XIRP2: variants seen among roughly 807,000 people sequenced by gnomAD.
XIRP2 encodes xin actin-binding repeat-containing protein 2.
XIRP2 carries 236 observed loss-of-function variants against 277.0 expected under a neutral mutation model. The ratio of observed to expected loss-of-function variants is 0.85; its 90% CI spans 0.77 to 0.95. The LOEUF (loss-of-function observed/expected upper bound fraction) is 0.95, where lower values mean the gene tolerates loss of function less well. XIRP2 is among the 40% of genes least tolerant of loss of function. The pLI, the probability that XIRP2 is intolerant of heterozygous loss-of-function variation, is 0.00. For synonymous variants in XIRP2, 1,490 were observed against 1,416.5 expected, an observed-to-expected ratio of 1.05 and a Z score of -1.17; for missense variants, 4,640 against 4,157.5, an observed-to-expected ratio of 1.12 and a Z score of -3.19.
intron 2 of XIRP2, among the ~76,000 whole-genome samples, chr2:167,134,734 CA>C (rs1691491838): frequency 6.6e-6 from 1 of 152,084 alleles, no homozygotes; most frequent in African/African-American, 2.4e-5. Context: ...AAGAGATTCA[CA>C]ACAATAACTC....
rs549249294 is a variant in XIRP2 at position 166,909,800 on chromosome 2, T to C, written c.408+5910T>C. The stretch of plus-strand genomic sequence containing the variant: ...TTTTGAGATACATCCCATCAATACC[T>C]AGTTTATTGATTTAGCATGAAGTGC... On this transcript the variant is annotated intron_variant, in intron 2 of 10. Transcript: ENST00000409195. 8.5e-4 allele frequency among the ~76,000 whole-genome samples: 129 copies of C among 152,320 alleles called. 1 individual carries two copies. The highest frequency in any genetic ancestry group is 2.7e-3 in the African/African-American group (114 of 41,570).
Position 167,247,749 on chromosome 2 carries a change from A to G in XIRP2, c.6357A>G (p.Lys2119=). 1 of 1,613,584 alleles carries G rather than the reference A, an allele frequency of 6.2e-7. No individual in the cohort carries two copies. The highest frequency in any genetic ancestry group is 8.5e-7 in the Non-Finnish European group (1 of 1,179,706). The change falls in exon 9 of 11, where the codon AAA becomes AAG. Residue 2119 remains lysine (K), a synonymous_variant. Coordinates refer to ENST00000409195, the MANE Select transcript of XIRP2 (RefSeq NM_152381.6). ...DVFNSIQSAG[K]TVGKQQTYEL... ...TTAATTCCATCCAATCTGCTGGTAA[A>G]ACCGTTGGAAAGCAACAGACATATG...
chr2:166,927,581 C>G (rs2105364723), intron 2 of XIRP2, among the ~76,000 whole-genome samples: 1 of 152,290 alleles, frequency 6.6e-6, no homozygotes, highest in Non-Finnish European at 1.5e-5. Context: ...CATAACATGA[C>G]TCTGACCCCC....
intron 2 of XIRP2, among the ~76,000 whole-genome samples, chr2:166,975,672 T>TC (rs1242247352): frequency 1.3e-5 from 2 of 152,034 alleles, no homozygotes; most frequent in Admixed American, 1.3e-4. Flanking sequence ...ACGCCTGTAA[T>TC]CCCAGCACTT....
chr2:166,943,871 C>T (rs1685786029), intron 2 of XIRP2, among the ~76,000 whole-genome samples: 2 of 152,166 alleles, frequency 1.3e-5, no homozygotes, highest in South Asian at 4.1e-4. Flanking sequence ...CTCTAGAGTA[C>T]AGACTCTTGT....
intron 2 of XIRP2, among the ~76,000 whole-genome samples, chr2:167,116,126 G>A (rs907957992): frequency 8.5e-5 from 13 of 152,262 alleles, no homozygotes; most frequent in Admixed American, 1.3e-4. Context: ...TGGGTGAGAT[G>A]TTCTGTAAAT....
chr2:167,070,611 T>A (rs1354255078), intron 2 of XIRP2, among the ~76,000 whole-genome samples: 1 of 152,226 alleles, frequency 6.6e-6, no homozygotes, highest in African/African-American at 2.4e-5. Context: ...CTCAAATGGC[T>A]GTTTCTTATC....
intron 1 of XIRP2, among the ~76,000 whole-genome samples, chr2:166,896,537 A>C (rs1024774520): frequency 5.3e-5 from 8 of 151,848 alleles, no homozygotes; most frequent in African/African-American, 1.9e-4. Flanking sequence ...ATAAAGAAAA[A>C]ATTTTCTACA....
chr2:166,997,547 TA>T (rs1416355790), intron 2 of XIRP2, among the ~76,000 whole-genome samples: 1 of 152,176 alleles, frequency 6.6e-6, no homozygotes, highest in Admixed American at 6.5e-5. Context: ...TGACCTTATT[TA>T]AGGTGAATTT....
chr2:167,243,547 A>G lies in XIRP2; in HGVS notation c.2155A>G (p.Arg719Gly), dbSNP rs768245433. 1.2e-5 allele frequency: 20 copies of G among 1,613,908 alleles called. No individual in the cohort carries two copies. In the Admixed American group the frequency reaches 2.5e-4, roughly 20 times the overall value. Reference sequence around the variant, plus strand: ...GGATGAGGTTCATTTACTGCAGCTTAGGTCTGAGCTCAAAGAAATTAAGGG... The same window carrying G: ...GGATGAGGTTCATTTACTGCAGCTTGGGTCTGAGCTCAAAGAAATTAAGGG... ...SVDEVHLLQL[R>G]SELKEIKGNV... Residue 719 changes from arginine (R) to glycine (G), a missense_variant, in exon 9 of 11, where the codon AGG (arginine) becomes GGG (glycine). Arg to Gly is a moderately radical substitution (Grantham distance 125). Transcript: ENST00000409195.
At chr2:167,015,875 C>G (rs991794253) in intron 2 of XIRP2, among the ~76,000 whole-genome samples, 15 of 151,592 alleles carry the variant, frequency 9.9e-5, no homozygotes, top group African/African-American at 3.4e-4. Flanking sequence ...TCCTAGATCA[C>G]TTATAATATT....
chr2:167,143,639 A>G (rs1306055234), intron 3 of XIRP2, among the ~76,000 whole-genome samples: 1 of 152,184 alleles, frequency 6.6e-6, no homozygotes, highest in Non-Finnish European at 1.5e-5. Flanking sequence ...GCTGAGGTTA[A>G]TTAGACTCAG....
chr2:167,094,200 G>A (rs1690229686), intron 2 of XIRP2, among the ~76,000 whole-genome samples: 1 of 152,098 alleles, frequency 6.6e-6, no homozygotes, highest in Non-Finnish European at 1.5e-5. Context: ...TAAGTTCCTT[G>A]TAGATTCTGG....
At chr2:166,938,840 T>G (rs1685603825) in intron 2 of XIRP2, among the ~76,000 whole-genome samples, 1 of 152,216 alleles carries the variant, frequency 6.6e-6, no homozygotes, top group Non-Finnish European at 1.5e-5. Flanking sequence ...CCTTTACCAT[T>G]ATGTAATGGC....
intron 2 of XIRP2, among the ~76,000 whole-genome samples, chr2:167,009,959 A>C (rs1344925784): frequency 1.3e-5 from 2 of 151,878 alleles, no homozygotes; most frequent in Non-Finnish European, 2.9e-5. Flanking sequence ...TAGATTCTGG[A>C]TATTAGCCCT....
rs146066901 is a variant in XIRP2, at chr2:166,916,579, T to G, written c.408+12689T>G. ...AGAGAAAAATAAAAAATAAGGATTA[T>G]TCTCATAGGAAGAGTTTTAGAGATC... is the stretch of plus-strand genomic sequence containing the variant. On this transcript the variant is annotated intron_variant, in intron 2 of 10. Coordinates refer to ENST00000409195, the MANE Select transcript of XIRP2 (RefSeq NM_152381.6). Among the ~76,000 whole-genome samples the G allele has an allele frequency of 1.5e-3, 221 of 152,324 alleles. 8 individuals are homozygous for G. The East Asian group carries it at 0.039, about 27-fold the overall frequency.
At chr2:166,909,150 G>T (rs1246756238) in intron 2 of XIRP2, among the ~76,000 whole-genome samples, 1 of 152,130 alleles carries the variant, frequency 6.6e-6, no homozygotes, top group Admixed American at 6.6e-5. Context: ...CCAATTCTGT[G>T]AAGAAAGTCA....
intron 2 of XIRP2, among the ~76,000 whole-genome samples, chr2:167,130,447 CT>C (rs1287174696): frequency 2.6e-5 from 4 of 152,080 alleles, no homozygotes; most frequent in Non-Finnish European, 5.9e-5. Context: ...TATTTAATAA[CT>C]TTCCCCCTAC....
intron 2 of XIRP2, among the ~76,000 whole-genome samples, chr2:167,091,473 A>G (rs754759152): frequency 4.5e-4 from 68 of 152,150 alleles, no homozygotes; most frequent in Non-Finnish European, 9.3e-4. Context: ...TTAAACCATC[A>G]TATTAAATAC....
Sources: gnomAD v4.1 joint callset for allele counts (sites outside exome capture counted in the v4.1 genomes callset) on GRCh38, gnomAD v4.1.1 for gene constraint, MANE v1.5 for transcripts, NCBI Gene and HGNC (gene_info 2026-07-23, HGNC 2026-07-21) for gene names.